ROBO2: variants seen among roughly 807,000 people sequenced by gnomAD.
ROBO2 encodes roundabout guidance receptor 2.
In ROBO2, 53 loss-of-function variants were observed where a neutral mutation model predicts 160.8. The observed-to-expected ratio is 0.33, with a 90% CI of 0.26 to 0.41. The LOEUF (loss-of-function observed/expected upper bound fraction) is 0.41, where lower values mean the gene tolerates loss of function less well. Ranked by LOEUF, ROBO2 falls within the 10% of genes least tolerant of loss-of-function variation. ROBO2 has a pLI of 1.00. For synonymous variants in ROBO2, 664 were observed against 611.7 expected (o/e 1.09, Z -1.26); for missense variants, 1,577 against 1,722.4 (o/e 0.92, Z 1.49).
At chr3:77,505,347 A>G (rs1351027417) in intron 5 of ROBO2, among the ~76,000 whole-genome samples, 2 of 151,688 alleles carry the variant, frequency 1.3e-5, no homozygotes, top group African/African-American at 4.8e-5. Flanking sequence ...TTTTTTTTCA[A>G]TTGGCAAATA....
intron 2 of ROBO2, among the ~76,000 whole-genome samples, chr3:76,442,257 T>A (rs923377877): frequency 6.6e-5 from 10 of 152,178 alleles, no homozygotes; most frequent in Non-Finnish European, 1.3e-4. Context: ...ATATATTGTG[T>A]TCATCTGCGT....
intron 2 of ROBO2, among the ~76,000 whole-genome samples, chr3:76,348,433 G>A (rs2074668438): frequency 6.6e-6 from 1 of 152,118 alleles, no homozygotes; most frequent in Non-Finnish European, 1.5e-5. Flanking sequence ...TTAAAGTGCA[G>A]AAATTGGCAT....
chr3:77,154,923 C>A (rs1481270290), intron 2 of ROBO2, among the ~76,000 whole-genome samples: 1 of 151,914 alleles, frequency 6.6e-6, no homozygotes, highest in Non-Finnish European at 1.5e-5. Flanking sequence ...GTACTAGACT[C>A]AGTACCTGAG....
chr3:77,347,931 A>T (rs1306010229), intron 2 of ROBO2, among the ~76,000 whole-genome samples: 4 of 152,062 alleles, frequency 2.6e-5, no homozygotes, highest in Admixed American at 2.6e-4. Flanking sequence ...ATCATTTCTC[A>T]TGGATTTCAC....
At chr3:76,495,597 T>A (rs1302572962) in intron 2 of ROBO2, among the ~76,000 whole-genome samples, 4 of 152,040 alleles carry the variant, frequency 2.6e-5, no homozygotes, top group Admixed American at 2.0e-4. Context: ...TTCTAGTTTT[T>A]TTTTTAGATT....
chr3:77,474,204 C>T (rs1310328242), intron 2 of ROBO2, among the ~76,000 whole-genome samples: 1 of 152,216 alleles, frequency 6.6e-6, no homozygotes, highest in African/African-American at 2.4e-5. Context: ...TTATTGAATC[C>T]GCCTAAAAAT....
intron 2 of ROBO2, among the ~76,000 whole-genome samples, chr3:76,395,189 A>C (rs1424998097): frequency 2.6e-5 from 4 of 151,222 alleles, no homozygotes. Context: ...AAACCGCTCA[A>C]CTACATGGAA....
chr3:77,387,976 C>G (rs2074307952), intron 2 of ROBO2, among the ~76,000 whole-genome samples: 1 of 151,884 alleles, frequency 6.6e-6, no homozygotes, highest in Non-Finnish European at 1.5e-5. Context: ...TGTCCTTAAC[C>G]TTGGCAAAAT....
intron 2 of ROBO2, among the ~76,000 whole-genome samples, chr3:76,307,791 G>A (rs1191976976): frequency 2.6e-5 from 4 of 152,024 alleles, no homozygotes; most frequent in Non-Finnish European, 4.4e-5. Context: ...AATAATAAAT[G>A]ACTCATCTCA....
chr3:76,680,908 C>T (rs1023954866), intron 2 of ROBO2, among the ~76,000 whole-genome samples: 2 of 151,982 alleles, frequency 1.3e-5, no homozygotes, highest in South Asian at 2.1e-4. Context: ...TCCCGAGTAG[C>T]GGAGACTACC....
chr3:76,746,281 C>A (rs2093890191), intron 2 of ROBO2, among the ~76,000 whole-genome samples: 1 of 151,634 alleles, frequency 6.6e-6, no homozygotes, highest in Admixed American at 6.6e-5. Context: ...GTGAATAGTG[C>A]CGCAATAAAC....
chr3:76,017,622 C>T (rs924694831), intron 2 of ROBO2, among the ~76,000 whole-genome samples: 1 of 152,108 alleles, frequency 6.6e-6, no homozygotes, highest in African/African-American at 2.4e-5. Context: ...GGTCCAAACA[C>T]TTTGTCATAT....
chr3:77,225,559 C>T (rs1297579495), intron 2 of ROBO2, among the ~76,000 whole-genome samples: 2 of 151,786 alleles, frequency 1.3e-5, no homozygotes, highest in African/African-American at 4.8e-5. Flanking sequence ...TATCAGGCAA[C>T]CTATTTTATA....
chr3:76,446,971 A>G (rs1302781975), intron 2 of ROBO2, among the ~76,000 whole-genome samples: 1 of 152,248 alleles, frequency 6.6e-6, no homozygotes, highest in Non-Finnish European at 1.5e-5. Flanking sequence ...CATTCAGGAC[A>G]TAGGCATGGA....
chr3:77,607,984 G>T (rs768126198), intron 21 of ROBO2, 30 bp downstream of exon 22: 4 of 1,611,214 alleles, frequency 2.5e-6, no homozygotes, highest in South Asian at 2.2e-5. Flanking sequence ...TAGCAAAATG[G>T]CCAGGGCTCT....
intron 2 of ROBO2, among the ~76,000 whole-genome samples, chr3:76,917,071 A>G (rs1420945593): frequency 3.9e-5 from 6 of 152,178 alleles, no homozygotes. Context: ...GCAGGCGTTG[A>G]TAATGATAAC....
At chr3:77,634,696 G>A in intron 23 of ROBO2, 174 bp from the exon 25 acceptor site, 1 of 669,102 alleles carries the variant, frequency 1.5e-6, no homozygotes, top group South Asian at 1.7e-5. Context: ...AACAAAATAT[G>A]TGCAGCTGAG....
intron 2 of ROBO2, among the ~76,000 whole-genome samples, chr3:76,352,955 C>T (rs1232483980): frequency 1.3e-5 from 2 of 151,980 alleles, no homozygotes; most frequent in Admixed American, 1.3e-4. Flanking sequence ...AGGTGTAGAA[C>T]AACTTGTTAA....
At chr3:76,384,247 T>C (rs2108583012) in intron 2 of ROBO2, among the ~76,000 whole-genome samples, 1 of 152,336 alleles carries the variant, frequency 6.6e-6, no homozygotes, top group South Asian at 2.1e-4. Context: ...GAAATGTTAA[T>C]CTATTTCTTG....
Sources: gnomAD v4.1 joint callset for allele counts (sites outside exome capture counted in the v4.1 genomes callset) on GRCh38, gnomAD v4.1.1 for gene constraint, MANE v1.5 for transcripts, NCBI Gene and HGNC (gene_info 2026-07-23, HGNC 2026-07-21) for gene names.